Variants in KAT7 observed in about 807,000 individuals in gnomAD.
KAT7 encodes lysine acetyltransferase 7.
Under a neutral mutation model 82.1 loss-of-function variants are expected in KAT7, and 10 were observed. The observed-to-expected ratio is 0.12, with a 90% CI of 0.08 to 0.21. The LOEUF (loss-of-function observed/expected upper bound fraction) is 0.21. Among genes scored for constraint, KAT7 ranks in the 10% least tolerant of loss-of-function variants. The pLI is 1.00. For missense variants in KAT7, 378 were observed against 760.9 expected (o/e 0.50, Z 5.92); for synonymous variants, 250 against 262.5 (o/e 0.95, Z 0.46).
rs778756914 is a variant in KAT7, at chr17:49,832,048, C to G, written c.*4546C>G. ...TAGGCTCATTGCAACCTCTGCCTCC[C>G]AGGTTCAAGCGATTTTCCTGCCTCA... On this transcript the variant is annotated 3_prime_UTR_variant, in exon 15 of 15. Transcript: ENST00000259021. 1.3e-5 allele frequency: 2 copies of G among 151,762 alleles called. No homozygotes were observed. The highest frequency in any genetic ancestry group is 2.9e-5 in the Non-Finnish European group (2 of 68,056). 9.4% of individuals were successfully genotyped at this position (151,762 alleles called of 1,614,324 possible).
intron 4 of KAT7, among the ~76,000 whole-genome samples, chr17:49,799,269 G>A (rs1276595011): frequency 6.6e-6 from 1 of 152,118 alleles, no homozygotes; most frequent in African/African-American, 2.4e-5. Context: ...TTTCACTACT[G>A]GGTCTACTTC....
chr17:49,788,746 C>T lies in KAT7; in HGVS notation c.-89C>T, dbSNP rs1199236771. 6.3e-6 allele frequency: 9 copies of T among 1,435,888 alleles called. No homozygotes were observed. The highest frequency in any genetic ancestry group is 5.0e-5 in the South Asian group (4 of 79,844). 88.9% of individuals were successfully genotyped at this position (1,435,888 alleles called of 1,614,324 possible). On this transcript the variant is annotated 5_prime_UTR_variant, in exon 1 of 15. Coordinates refer to ENST00000259021, the MANE Select transcript of KAT7 (RefSeq NM_007067.5). Reference sequence around the variant, plus strand: ...ATCGTCCGCAGGATTGGGACTGATACAGAGGCCGCCACGGAGCCCGCCGGA... The same window carrying T: ...ATCGTCCGCAGGATTGGGACTGATATAGAGGCCGCCACGGAGCCCGCCGGA...
At chr17:49,792,440 T>A (rs1017115910) in intron 2 of KAT7, among the ~76,000 whole-genome samples, 5 of 152,222 alleles carry the variant, frequency 3.3e-5, no homozygotes, top group African/African-American at 1.2e-4. Context: ...GATTTAATTT[T>A]TTTTTTTAAC....
At position 49,827,750 on chromosome 17, in the gene KAT7, A is replaced by G. The variant is rs2074385282; in HGVS notation, c.*248A>G. ...TATTAGACTTGAGTGCAGGTCTCTCAGCACTGACCCAAGGAGTTCTGTTAT... is the reference window on the plus strand; with the variant it reads ...TATTAGACTTGAGTGCAGGTCTCTCGGCACTGACCCAAGGAGTTCTGTTAT... On this transcript the variant is annotated 3_prime_UTR_variant, in exon 15 of 15. Coordinates refer to ENST00000259021, the MANE Select transcript of KAT7 (RefSeq NM_007067.5). 4 of 522,022 alleles carry G rather than the reference A, an allele frequency of 7.7e-6. No individual in the cohort carries two copies. The South Asian group carries it at 8.1e-5, about 11-fold the overall frequency. 32.3% of individuals were successfully genotyped at this position (522,022 alleles called of 1,614,324 possible). A position where few individuals can be genotyped will look rare whatever the true frequency, so the allele number is the denominator to read the frequency against.
chr17:49,811,326 T>TG (rs1790726114), intron 6 of KAT7, 150 bp from the exon 7 acceptor site: 3 of 423,556 alleles, frequency 7.1e-6, no homozygotes, highest in Non-Finnish European at 1.3e-5. Flanking sequence ...AGGCTGGTCT[T>TG]GAACTCCTGA....
intron 14 of KAT7, 84 bp from the exon 15 acceptor site, chr17:49,827,317 T>C: frequency 2.5e-6 from 2 of 814,562 alleles, no homozygotes; most frequent in Non-Finnish European, 4.3e-6. Context: ...GGCAATTCCT[T>C]CTTGGCGGTT....
intron 9 of KAT7, among the ~76,000 whole-genome samples, chr17:49,818,460 A>T (rs1304558796): frequency 2.6e-5 from 4 of 152,196 alleles, no homozygotes; most frequent in Non-Finnish European, 4.4e-5. Flanking sequence ...GTACTTATTA[A>T]TATTTAATAG....
chr17:49,820,102 T>A (rs2074283232), intron 9 of KAT7, among the ~76,000 whole-genome samples: 1 of 152,166 alleles, frequency 6.6e-6, no homozygotes, highest in African/African-American at 2.4e-5. Flanking sequence ...AAAACCCTTT[T>A]GAAAAATTAA....
Position 49,798,291 on chromosome 17 carries a change from T to C in KAT7, c.341-28T>C, listed in dbSNP as rs2073981257. ...CTTCTAAATAAATGAACTCCACTCA[T>C]AACTTCTACCAATTGCTTTTGCTTT... is the stretch of plus-strand genomic sequence containing the variant. On this transcript the variant is annotated intron_variant, in intron 3 of 14. Coordinates refer to ENST00000259021, the MANE Select transcript of KAT7 (RefSeq NM_007067.5). 1.9e-6 allele frequency: 3 copies of C among 1,607,534 alleles called. No individual in the cohort carries two copies. In the South Asian group the frequency reaches 3.3e-5, roughly 18 times the overall value.
intron 7 of KAT7, among the ~76,000 whole-genome samples, chr17:49,812,850 C>T (rs1215016594): frequency 6.6e-6 from 1 of 151,670 alleles, no homozygotes; most frequent in Non-Finnish European, 1.5e-5. Context: ...TTACAGGCGC[C>T]CACCACCACA....
At chr17:49,827,044 A>C (rs2074376918) in intron 14 of KAT7, 1 of 467,800 alleles carries the variant, frequency 2.1e-6, no homozygotes, top group South Asian at 3.0e-5. Context: ...AAGCAGCTTT[A>C]TGTTGTACAG....
At chr17:49,808,732 G>A (rs2143914599) in intron 5 of KAT7, among the ~76,000 whole-genome samples, 1 of 152,262 alleles carries the variant, frequency 6.6e-6, no homozygotes, top group Middle Eastern at 3.4e-3. Flanking sequence ...GATTACAGGC[G>A]TGAGGCACCA....
intron 4 of KAT7, among the ~76,000 whole-genome samples, chr17:49,801,875 A>G (rs1217915341): frequency 1.3e-5 from 2 of 152,160 alleles, no homozygotes; most frequent in Non-Finnish European, 2.9e-5. Flanking sequence ...TTTGAAGTGC[A>G]TTAAGTAAAA....
chr17:49,827,069 G>C lies in KAT7; in HGVS notation c.1734+270G>C, dbSNP rs186104531. On this transcript the variant is annotated intron_variant, in intron 14 of 14. Transcript: ENST00000259021. ...ATGTTGTACAGCATTTCTGTCATTT[G>C]ATGTTTTTCTTAGGTGGGAGGAAAT... 312 of 438,952 alleles carry C rather than the reference G, an allele frequency of 7.1e-4. 3 individuals are homozygous for C. The East Asian group carries it at 0.012, about 16-fold the overall frequency. 27.2% of individuals were successfully genotyped at this position (438,952 alleles called of 1,614,324 possible).
At chr17:49,823,374 C>G (rs1290104274) in intron 12 of KAT7, 79 bp downstream of exon 12, 5 of 792,368 alleles carry the variant, frequency 6.3e-6, no homozygotes, top group Non-Finnish European at 1.1e-5. Context: ...CCTGTGGTCT[C>G]TGCAATTCCT....
In KAT7 at chr17:49,826,742, G is replaced by T. The variant is rs1168967861; in HGVS notation, c.1677G>T (p.Leu559=). 3 of 1,612,184 alleles carry T rather than the reference G, an allele frequency of 1.9e-6. No individual in the cohort carries two copies. The highest frequency in any genetic ancestry group is 1.7e-5 in the Admixed American group (1 of 59,986). ...AVNPVDIVST[L]QALQMLKYWK... ...ATCCTGTGGACATTGTCAGCACTCT[G>T]CAAGCCCTTCAGATGCTCAAATACT... The change falls in exon 14 of 15, where the codon CTG becomes CTT. Residue 559 remains leucine, a synonymous_variant. Coordinates refer to ENST00000259021, the MANE Select transcript of KAT7 (RefSeq NM_007067.5).
At chr17:49,823,951 T>C (rs1346397149) in intron 12 of KAT7, among the ~76,000 whole-genome samples, 2 of 152,168 alleles carry the variant, frequency 1.3e-5, no homozygotes, top group Admixed American at 6.5e-5. Context: ...GTAGTACTGA[T>C]GTGTCTGGTG....
At chr17:49,807,208 A>G (rs1028635737) in intron 5 of KAT7, among the ~76,000 whole-genome samples, 5 of 152,204 alleles carry the variant, frequency 3.3e-5, no homozygotes, top group African/African-American at 1.2e-4. Flanking sequence ...TAAGTAAATA[A>G]TTTTGTGTAG....
In KAT7 at chr17:49,788,762, G is replaced by C; in HGVS notation, c.-73G>C. On this transcript the variant is annotated 5_prime_UTR_variant, in exon 1 of 15. Coordinates refer to ENST00000259021, the MANE Select transcript of KAT7 (RefSeq NM_007067.5). Reference sequence around the variant, plus strand: ...GGACTGATACAGAGGCCGCCACGGAGCCCGCCGGAGCCACCGTTCCTGCTG... The same window carrying C: ...GGACTGATACAGAGGCCGCCACGGACCCCGCCGGAGCCACCGTTCCTGCTG... 6.6e-7 allele frequency: 1 copy of C among 1,524,268 alleles called. No individual in the cohort carries two copies. Among genetic ancestry groups the C allele is most frequent in the Non-Finnish European group, 8.9e-7 (1 of 1,128,974 alleles). 94.4% of individuals were successfully genotyped at this position (1,524,268 alleles called of 1,614,324 possible). A position where few individuals can be genotyped will look rare whatever the true frequency, so the allele number is the denominator to read the frequency against.
Sources: gnomAD v4.1 joint callset for allele counts (sites outside exome capture counted in the v4.1 genomes callset) on GRCh38, gnomAD v4.1.1 for gene constraint, MANE v1.5 for transcripts, NCBI Gene and HGNC (gene_info 2026-07-23, HGNC 2026-07-21) for gene names.